The following NUP98 variants were observed in gnomAD, a reference collection of about 807,000 sequenced individuals.
NUP98 encodes the protein nuclear pore complex protein Nup98-Nup96.
Under a neutral mutation model 191.9 loss-of-function variants are expected in NUP98, and 26 were observed. That is an observed-to-expected ratio of 0.14 (90% CI 0.10 to 0.19). The LOEUF (loss-of-function observed/expected upper bound fraction) is 0.19. Ranked by LOEUF, NUP98 falls within the 10% of genes least tolerant of loss-of-function variation. NUP98 has a pLI of 1.00. For synonymous variants in NUP98, 808 were observed against 778.4 expected, an observed-to-expected ratio of 1.04 and a Z score of -0.63; for missense variants, 1,941 against 2,178.8, an observed-to-expected ratio of 0.89 and a Z score of 2.17.
rs913273153 is a variant in NUP98, at chr11:3,691,240, T to C, written c.4454+107A>G. 11 of 1,199,892 alleles carry C rather than the reference T, an allele frequency of 9.2e-6. No homozygotes were observed. The East Asian group carries it at 1.2e-4, about 13-fold the overall frequency. 74.3% of individuals were successfully genotyped at this position (1,199,892 alleles called of 1,614,324 possible). ...TTTAAGTTATATTTGGTAGTTTATA[T>C]GGACTTACAGCAATCTGGGGACATA... On this transcript the variant is annotated intron_variant, in intron 28 of 32. Transcript: ENST00000324932.
intron 1 of NUP98, among the ~76,000 whole-genome samples, chr11:3,786,292 C>T (rs2082138299): frequency 6.6e-6 from 1 of 152,186 alleles, no homozygotes; most frequent in African/African-American, 2.4e-5. Flanking sequence ...CCAGCACTAT[C>T]AGGGAAAGAC....
intron 11 of NUP98, among the ~76,000 whole-genome samples, chr11:3,746,750 T>G (rs2080517167): frequency 6.6e-6 from 1 of 151,566 alleles, no homozygotes; most frequent in Admixed American, 6.6e-5. Context: ...CTGTCTCCAC[T>G]AAAAATACAA....
chr11:3,752,434 T>G (rs577053698), intron 11 of NUP98, among the ~76,000 whole-genome samples: 5 of 150,380 alleles, frequency 3.3e-5, no homozygotes, highest in Non-Finnish European at 1.5e-5. Context: ...GGAGAATTGC[T>G]TCAACCTGGG....
rs1192841374 is a variant in NUP98, at chr11:3,789,344, G to A, written c.-28-7199C>T. Among the ~76,000 whole-genome samples the A allele has an allele frequency of 2.0e-5, 3 of 152,040 alleles. No homozygotes were observed. The East Asian group carries it at 5.8e-4, about 29-fold the overall frequency. On this transcript the variant is annotated intron_variant, in intron 1 of 32. Coordinates refer to ENST00000324932, the MANE Select transcript of NUP98 (RefSeq NM_016320.5). ...GTCATCCACTGATCACTCAGCACAA[G>A]CATAAAGCACCACTGCAAACAAAAA...
intron 11 of NUP98, among the ~76,000 whole-genome samples, chr11:3,753,023 G>A (rs2080822332): frequency 6.6e-6 from 1 of 152,134 alleles, no homozygotes; most frequent in African/African-American, 2.4e-5. Flanking sequence ...TGGGGAAACT[G>A]AAAGTTAATG....
Position 3,712,402 on chromosome 11 carries a change from C to G in NUP98, c.2742+162G>C, listed in dbSNP as rs113679864. The G allele has an allele frequency of 5.6e-6, 8 of 1,416,526 alleles. 1 individual carries two copies. The South Asian group carries it at 1.3e-4, about 24-fold the overall frequency. 87.7% of individuals were successfully genotyped at this position (1,416,526 alleles called of 1,614,324 possible). On this transcript the variant is annotated intron_variant, in intron 20 of 32. Coordinates refer to ENST00000324932, the MANE Select transcript of NUP98 (RefSeq NM_016320.5). ...TCTCCAGTAAAAAGACAGATGCCTG[C>G]AAGACCTCACGCCCTCCCTTGCACT...
intron 25 of NUP98, among the ~76,000 whole-genome samples, chr11:3,697,873 CT>C (rs1564816356): frequency 7.1e-6 from 1 of 141,214 alleles, no homozygotes; most frequent in African/African-American, 2.6e-5. Flanking sequence ...TCATTAAGTA[CT>C]TGCTGAATTG....
At chr11:3,772,460 G>GAACA (rs1381765592) in intron 6 of NUP98, among the ~76,000 whole-genome samples, 1 of 152,062 alleles carries the variant, frequency 6.6e-6, no homozygotes, top group African/African-American at 2.4e-5. Flanking sequence ...CAATAAGAAT[G>GAACA]AACAAACTAA....
At chr11:3,744,845 C>G (rs916927142) in intron 11 of NUP98, among the ~76,000 whole-genome samples, 196 bp from the exon 12 acceptor site, 2 of 152,204 alleles carry the variant, frequency 1.3e-5, no homozygotes, top group Non-Finnish European at 2.9e-5. Flanking sequence ...AGGTAAAATA[C>G]TTAAATCTCT....
rs895227696 is a variant in NUP98 at position 3,775,348 on chromosome 11, G to A, written c.495+534C>T. Among the ~76,000 whole-genome samples, 13 of 152,136 alleles carry A rather than the reference G, an allele frequency of 8.5e-5. 1 individual carries two copies. Among genetic ancestry groups the A allele is most frequent in the Non-Finnish European group, 1.8e-4 (12 of 68,008 alleles). On this transcript the variant is annotated intron_variant, in intron 5 of 32. Coordinates refer to ENST00000324932, the MANE Select transcript of NUP98 (RefSeq NM_016320.5). ...AGTTCGAGACCAGCCTGGCCACCAT[G>A]GTGAAACGCCATCTCTACTACAAAA...
At chr11:3,737,235 T>C (rs535492909) in intron 12 of NUP98, among the ~76,000 whole-genome samples, 1 of 146,540 alleles carries the variant, frequency 6.8e-6, no homozygotes, top group Non-Finnish European at 1.5e-5. Context: ...TATAATACAA[T>C]AATCCACAGT....
chr11:3,734,104 C>T (rs1166474577), intron 13 of NUP98, among the ~76,000 whole-genome samples: 1 of 151,526 alleles, frequency 6.6e-6, no homozygotes, highest in Non-Finnish European at 1.5e-5. Context: ...GGCGCAATCT[C>T]GGCTCACTGC....
chr11:3,683,568 C>T, intron 29 of NUP98, 127 bp from the exon 30 acceptor site: 1 of 986,934 alleles, frequency 1.0e-6, no homozygotes, highest in Non-Finnish European at 1.5e-6. Flanking sequence ...GATGGAGTTT[C>T]ACTCTTGTTG....
At position 3,699,178 on chromosome 11, in the gene NUP98, C is replaced by A; in HGVS notation, c.3913G>T (p.Val1305Phe). Reference sequence around the variant, plus strand: ...GGGCTGTTTTTTTGGGTTAAGGAGACTTCCTCTTCAATCTGAGGTGTGGCA... The same window carrying A: ...GGGCTGTTTTTTTGGGTTAAGGAGAATTCCTCTTCAATCTGAGGTGTGGCA... ...CTATPQIEEEVSLTQKNSPVE... is the reference protein window; with the variant it reads ...CTATPQIEEEFSLTQKNSPVE... The change falls in exon 25 of 33, where the codon GTC becomes TTC. Residue 1305 changes from valine to phenylalanine, a missense_variant. Physicochemically the swap from Val to Phe is conservative, Grantham distance 50. Transcript: ENST00000324932. The A allele has an allele frequency of 1.2e-6, 2 of 1,614,128 alleles. No homozygotes were observed. The highest frequency in any genetic ancestry group is 1.7e-6 in the Non-Finnish European group (2 of 1,180,032).
chr11:3,702,954 G>T, intron 22 of NUP98, 62 bp from the exon 23 acceptor site: 1 of 1,330,552 alleles, frequency 7.5e-7, no homozygotes, highest in South Asian at 1.4e-5. Context: ...ATTGTTTCTT[G>T]AACAATAACA....
intron 16 of NUP98, among the ~76,000 whole-genome samples, chr11:3,721,926 A>T (rs1436376598): frequency 6.6e-6 from 1 of 152,114 alleles, no homozygotes; most frequent in Non-Finnish European, 1.5e-5. Context: ...ACCAAACTCC[A>T]GCCTCCAGCA....
chr11:3,760,519 A>C lies in NUP98; in HGVS notation c.1174+20T>G. On this transcript the variant is annotated intron_variant, in intron 10 of 32. Coordinates refer to ENST00000324932, the MANE Select transcript of NUP98 (RefSeq NM_016320.5). ...TAGAAGTGTTTGTATTGGTTCCTAAAGTCAGGGTTGGTTTGTTACCAAAGA... is the reference window on the plus strand; with the variant it reads ...TAGAAGTGTTTGTATTGGTTCCTAACGTCAGGGTTGGTTTGTTACCAAAGA... 1 of 1,614,134 alleles carries C rather than the reference A, an allele frequency of 6.2e-7. No individual in the cohort carries two copies. The highest frequency in any genetic ancestry group is 8.5e-7 in the Non-Finnish European group (1 of 1,179,996).
At chr11:3,764,885 CTTTT>C (rs892125789) in intron 8 of NUP98, among the ~76,000 whole-genome samples, 1 of 152,026 alleles carries the variant, frequency 6.6e-6, no homozygotes, top group African/African-American at 2.4e-5. Context: ...GCCTGTTAGT[CTTTT>C]TTTATTGTAT....
rs774794723 is a variant in NUP98, at chr11:3,775,911, C to A, written c.466G>T (p.Ala156Ser). Residue 156 changes from alanine (A) to serine (S), a missense_variant, in exon 5 of 33, where the codon GCT (alanine) becomes TCT (serine). By Grantham distance (99) the Ala-to-Ser change is moderately conservative. Around this residue, in one of 6 missense-constraint regions of NUP98, gnomAD observed 154 missense variants for 182.9 expected, o/e 0.84. Coordinates refer to ENST00000324932, the MANE Select transcript of NUP98 (RefSeq NM_016320.5). ...AATTTAATAGTAGTCCCAGTAGGAG[C>A]AGCTGTAAAACTACTTGGCCCAAAG... ...SLFGPSSFTA[A>S]PTGTTIKFNP... 6.2e-7 allele frequency: 1 copy of A among 1,613,636 alleles called. No homozygotes were observed. Among genetic ancestry groups the A allele is most frequent in the African/African-American group, 1.3e-5 (1 of 74,998 alleles).
Sources: allele counts gnomAD v4.1 joint callset (sites outside exome capture counted in the v4.1 genomes callset), GRCh38; gene constraint gnomAD v4.1.1; regional missense constraint gnomAD v4.1.1; transcripts MANE v1.5; gene names NCBI Gene and HGNC (gene_info 2026-07-23, HGNC 2026-07-21).